Variants in RGS8 observed in about 807,000 individuals in gnomAD.
The protein encoded by RGS8 is regulator of G protein signaling 8, also known as regulator of G-protein signaling 8.
Under a neutral mutation model 21.7 loss-of-function variants are expected in RGS8, and 8 were observed. That is an observed-to-expected ratio of 0.37 (90% CI 0.22 to 0.66). The LOEUF (loss-of-function observed/expected upper bound fraction) is 0.66, where lower values mean the gene tolerates loss of function less well. RGS8 is among the 30% of genes least tolerant of loss of function. The pLI is 0.59. For synonymous variants in RGS8, 80 were observed against 83.6 expected, an observed-to-expected ratio of 0.96 and a Z score of 0.24; for missense variants, 157 against 217.9, an observed-to-expected ratio of 0.72 and a Z score of 1.76.
upstream of RGS8, among the ~76,000 whole-genome samples, chr1:182,689,098 T>C (rs1664765374): frequency 6.6e-6 from 1 of 152,140 alleles, no homozygotes; most frequent in Non-Finnish European, 1.5e-5. Context: ...GTCTTTGCAT[T>C]TCAACAGGAG....
intron 5 of RGS8, among the ~76,000 whole-genome samples, chr1:182,660,713 A>T (rs1251399139): frequency 6.6e-6 from 1 of 150,468 alleles, no homozygotes; most frequent in Non-Finnish European, 1.5e-5. Context: ...CCCCACCAGG[A>T]TGCTCCAGAC....
the RGS8 span, among the ~76,000 whole-genome samples, chr1:182,748,913 G>A: frequency 6.6e-6 from 1 of 152,066 alleles, no homozygotes; most frequent in Non-Finnish European, 1.5e-5. Context: ...TTTGGGAAAT[G>A]CTTATTCAGG....
chr1:182,662,697 C>A (rs1317172673), intron 5 of RGS8, among the ~76,000 whole-genome samples: 1 of 152,176 alleles, frequency 6.6e-6, no homozygotes, highest in African/African-American at 2.4e-5. Context: ...TATTTGGAAT[C>A]TTGAGGCCAC....
chr1:182,734,752 G>T, the RGS8 span: 1 of 152,174 alleles, frequency 6.6e-6, no homozygotes, highest in African/African-American at 2.4e-5. Flanking sequence ...GCACTGGGAG[G>T]ATGTTGGGAG....
the RGS8 span, among the ~76,000 whole-genome samples, chr1:182,740,723 C>T: frequency 1.3e-5 from 2 of 150,152 alleles, no homozygotes; most frequent in South Asian, 2.1e-4. Context: ...GTTTGTGTCC[C>T]TGGGTACTTG....
the RGS8 span, among the ~76,000 whole-genome samples, chr1:182,737,776 T>C: frequency 6.6e-6 from 1 of 152,042 alleles, no homozygotes; most frequent in East Asian, 1.9e-4. Flanking sequence ...CTCTTATCTT[T>C]GGGGGCGACC....
the RGS8 span, among the ~76,000 whole-genome samples, chr1:182,744,569 G>A: frequency 2.0e-4 from 30 of 152,310 alleles, no homozygotes; most frequent in Non-Finnish European, 2.6e-4. Context: ...CCATTGTAAC[G>A]TTGTAGTAAC....
In RGS8 at chr1:182,671,717, CG is replaced by C; in HGVS notation, c.-165del. The C allele has an allele frequency of 6.2e-7, 1 of 1,614,090 alleles. No individual in the cohort carries two copies. Among genetic ancestry groups the C allele is most frequent in the East Asian group, 2.2e-5 (1 of 44,886 alleles). On this transcript the variant is annotated 5_prime_UTR_variant, in exon 2 of 7. It introduces an in-frame stop codon into an upstream open reading frame of the 5' UTR. Transcript: ENST00000483095. The stretch of plus-strand genomic sequence containing the variant: ...GCCAACTGGATGGTCAGAGAGGCTT[CG>C]GGTTAAGGTGTTCTGGGGAAAAAGT...
the RGS8 span, among the ~76,000 whole-genome samples, chr1:182,714,911 T>C: frequency 1.3e-5 from 2 of 152,214 alleles, no homozygotes; most frequent in Non-Finnish European, 2.9e-5. Flanking sequence ...TCTTGGCTTA[T>C]TCAGAGTCCA....
At chr1:182,717,738 C>G in the RGS8 span, among the ~76,000 whole-genome samples, 1 of 152,098 alleles carries the variant, frequency 6.6e-6, no homozygotes, top group Non-Finnish European at 1.5e-5. Context: ...GATCTGCCTC[C>G]CCCATAAGAA....
chr1:182,741,095 C>G, the RGS8 span, among the ~76,000 whole-genome samples: 1 of 151,410 alleles, frequency 6.6e-6, no homozygotes, highest in South Asian at 2.1e-4. Flanking sequence ...GGGTGGTGGC[C>G]GGGCAGAGGG....
chr1:182,667,086 C>T (rs1663905251), intron 3 of RGS8, 113 bp from the exon 5 acceptor site: 9 of 806,032 alleles, frequency 1.1e-5, no homozygotes, highest in Admixed American at 9.5e-5. Context: ...CCCCACCCTT[C>T]CCCAGGTGGT....
At chr1:182,655,362 G>C (rs1386826006) in intron 5 of RGS8, among the ~76,000 whole-genome samples, 2 of 152,332 alleles carry the variant, frequency 1.3e-5, no homozygotes, top group East Asian at 3.9e-4. Context: ...GGGGTGGAGA[G>C]AAAATAAGAA....
At chr1:182,649,615 C>T (rs1030476579) in intron 5 of RGS8, among the ~76,000 whole-genome samples, 1 of 152,112 alleles carries the variant, frequency 6.6e-6, no homozygotes, top group African/African-American at 2.4e-5. Flanking sequence ...GTGCTTCCAA[C>T]CAACACAAGA....
At chr1:182,703,545 C>T in the RGS8 span, among the ~76,000 whole-genome samples, 1 of 152,102 alleles carries the variant, frequency 6.6e-6, no homozygotes, top group Non-Finnish European at 1.5e-5. Flanking sequence ...TTTATTTTGT[C>T]CTAATCCATG....
chr1:182,699,204 T>A, the RGS8 span, among the ~76,000 whole-genome samples: 1 of 152,204 alleles, frequency 6.6e-6, no homozygotes, highest in East Asian at 1.9e-4. Flanking sequence ...GGTTTCCACA[T>A]CACCACAGAG....
chr1:182,721,471 C>T, the RGS8 span, among the ~76,000 whole-genome samples: 1 of 152,132 alleles, frequency 6.6e-6, no homozygotes, highest in Non-Finnish European at 1.5e-5. Flanking sequence ...AATTTCTTCA[C>T]AGCGTGACAG....
chr1:182,644,249 G>A (rs1662604380), downstream of RGS8: 1 of 152,124 alleles, frequency 6.6e-6, no homozygotes, highest in African/African-American at 2.4e-5. Flanking sequence ...TGCCTCTTGT[G>A]GGAAGCAGGG....
chr1:182,748,160 A>G, the RGS8 span, among the ~76,000 whole-genome samples: 2 of 152,182 alleles, frequency 1.3e-5, no homozygotes, highest in Non-Finnish European at 2.9e-5. Flanking sequence ...AGAATACAAT[A>G]TTTCACCAAC....
Sources: allele counts gnomAD v4.1 joint callset (sites outside exome capture counted in the v4.1 genomes callset), GRCh38; gene constraint gnomAD v4.1.1; transcripts MANE v1.5; gene names NCBI Gene and HGNC (gene_info 2026-07-23, HGNC 2026-07-21).